The following RASAL1 variants were observed in gnomAD, a reference collection of about 807,000 sequenced individuals.
RASAL1 encodes rasGAP-activating-like protein 1.
Under a neutral mutation model 96.6 loss-of-function variants are expected in RASAL1, and 72 were observed. The ratio of observed to expected loss-of-function variants is 0.75; its 90% confidence interval spans 0.62 to 0.91. The LOEUF is 0.91. Among genes scored for constraint, RASAL1 ranks in the 40% least tolerant of loss-of-function variants. The pLI is 0.00. For missense variants in RASAL1, 1,016 were observed against 1,072.5 expected (o/e 0.95, Z 0.74); for synonymous variants, 405 against 430.4 (o/e 0.94, Z 0.73).
chr12:113,105,671 A>T (rs781658734), intron 16 of RASAL1, 43 bp downstream of exon 16: 1 of 1,526,634 alleles, frequency 6.6e-7, no homozygotes, highest in Non-Finnish European at 8.8e-7. Context: ...ACACTGAAAA[A>T]GGCCACCCCT....
Position 113,099,910 on chromosome 12 carries a change from G to T in RASAL1, c.*19C>A. 1 of 1,603,032 alleles carries T rather than the reference G, an allele frequency of 6.2e-7. No homozygotes were observed. The highest frequency in any genetic ancestry group is 8.5e-7 in the Non-Finnish European group (1 of 1,173,382). On this transcript the variant is annotated 3_prime_UTR_variant, in exon 21 of 21. Transcript: ENST00000548055. ...CCCCTGGCTCTTGCTCCTCCTTCCG[G>T]GCTAGCTCTGGCATTTCCTTAGGGG...
Position 113,108,065 on chromosome 12 carries a change from G to A in RASAL1, c.1512+20C>T. Reference sequence around the variant, plus strand: ...TCCCTGGCTAAAGTACCTAGGATGGGGGAAACCCATGGCTGGCACCTTGGC... The same window carrying A: ...TCCCTGGCTAAAGTACCTAGGATGGAGGAAACCCATGGCTGGCACCTTGGC... On this transcript the variant is annotated intron_variant, in intron 14 of 20. Coordinates refer to ENST00000548055, the MANE Select transcript of RASAL1 (RefSeq NM_001301202.2). 6.2e-7 allele frequency: 1 copy of A among 1,603,900 alleles called. No individual in the cohort carries two copies. The highest frequency in any genetic ancestry group is 8.5e-7 in the Non-Finnish European group (1 of 1,175,542).
intron 12 of RASAL1, among the ~76,000 whole-genome samples, 194 bp from the exon 13 acceptor site, chr12:113,112,472 T>C (rs552869540): frequency 2.4e-4 from 37 of 152,178 alleles, no homozygotes; most frequent in Non-Finnish European, 4.6e-4. Flanking sequence ...GCCTTTGCAC[T>C]GGCTTATCTC....
At chr12:113,102,291 C>T (rs1304997030) in intron 18 of RASAL1, among the ~76,000 whole-genome samples, 1 of 152,212 alleles carries the variant, frequency 6.6e-6, no homozygotes, top group Non-Finnish European at 1.5e-5. Context: ...GGAGCGGTGG[C>T]TCACGCCTGT....
intron 16 of RASAL1, 56 bp downstream of exon 16, chr12:113,105,658 A>C: frequency 2.0e-6 from 3 of 1,509,536 alleles, no homozygotes; most frequent in East Asian, 2.3e-5. Flanking sequence ...ACAAAGAGGC[A>C]GCACACTGAA....
At chr12:113,101,417 G>A (rs1950437378) in intron 19 of RASAL1, among the ~76,000 whole-genome samples, 1 of 152,014 alleles carries the variant, frequency 6.6e-6, no homozygotes, top group Non-Finnish European at 1.5e-5. Flanking sequence ...CTCTGTCTAA[G>A]TAAATAAATA....
At chr12:113,116,343 G>C (rs1352498814) in intron 8 of RASAL1, among the ~76,000 whole-genome samples, 3 of 151,846 alleles carry the variant, frequency 2.0e-5, no homozygotes, top group African/African-American at 7.3e-5. Context: ...CTGCGTGACA[G>C]AGCGATACTC....
Position 113,112,226 on chromosome 12 carries a change from G to C in RASAL1, c.1234C>G (p.Leu412Val), listed in dbSNP as rs1950892066. Residue 412 changes from leucine (L) to valine (V), a missense_variant, in exon 13 of 21, where the codon CTG becomes GTG. Leu to Val is a conservative substitution (Grantham distance 32). Coordinates refer to ENST00000548055, the MANE Select transcript of RASAL1 (RefSeq NM_001301202.2). ...LSEEQMRETS[L>V]GLLTGYLGPI... The stretch of plus-strand genomic sequence containing the variant: ...CCCAGGTAGCCCGTCAGCAGCCCCA[G>C]GCTGGTCTCCCGCATCTGCTCCTCC... 2.4e-6 allele frequency: 3 copies of C among 1,266,830 alleles called. No individual in the cohort carries two copies. Among genetic ancestry groups the C allele is most frequent in the Non-Finnish European group, 3.0e-6 (3 of 997,774 alleles). 78.5% of individuals were successfully genotyped at this position (1,266,830 alleles called of 1,614,324 possible). A position where few individuals can be genotyped will look rare whatever the true frequency, so the allele number is the denominator to read the frequency against.
chr12:113,105,673 G>T, intron 16 of RASAL1, 41 bp downstream of exon 16: 1 of 1,533,494 alleles, frequency 6.5e-7, no homozygotes, highest in Non-Finnish European at 8.8e-7. Context: ...ACTGAAAAAG[G>T]CCACCCCTGG....
intron 5 of RASAL1, among the ~76,000 whole-genome samples, chr12:113,120,270 A>G (rs926864794): frequency 1.3e-5 from 2 of 152,176 alleles, no homozygotes; most frequent in Non-Finnish European, 2.9e-5. Flanking sequence ...GACAGCAATC[A>G]GTCCCTCTCA....
In RASAL1 at chr12:113,099,881, G is replaced by T. The variant is rs1453388415; in HGVS notation, c.*48C>A. 2 of 1,577,908 alleles carry T rather than the reference G, an allele frequency of 1.3e-6. No homozygotes were observed. The highest frequency in any genetic ancestry group is 2.7e-5 in the African/African-American group (2 of 74,158). On this transcript the variant is annotated 3_prime_UTR_variant, in exon 21 of 21. Transcript: ENST00000548055. ...CTCCCGGGGCAGGATGCGCTGAAGA[G>T]GGCCCCCTGGCTCTTGCTCCTCCTT...
At position 113,115,796 on chromosome 12, in the gene RASAL1, G is replaced by A; in HGVS notation, c.850-8C>T. On this transcript the variant is annotated splice_polypyrimidine_tract_variant and splice_region_variant and intron_variant, in intron 9 of 20. Transcript: ENST00000548055. This position sits in a 1 kb window ranked among gnomAD's most constrained non-coding sequence, Gnocchi z 4.1. ...GGGGCTAGCAGTGTCCTCCTGGGTG[G>A]GGGCGGGAGACAAAGATGACCTCGG... 6.2e-7 allele frequency: 1 copy of A among 1,613,856 alleles called. No homozygotes were observed. Among genetic ancestry groups the A allele is most frequent in the Non-Finnish European group, 8.5e-7 (1 of 1,179,846 alleles).
upstream of RASAL1, among the ~76,000 whole-genome samples, chr12:113,136,553 T>C (rs929827040): frequency 1.1e-4 from 17 of 152,242 alleles, no homozygotes; most frequent in African/African-American, 4.1e-4. Context: ...TGATTTGCCT[T>C]CCAGGGGTTC....
chr12:113,117,932 A>G (rs2136194744), intron 7 of RASAL1, among the ~76,000 whole-genome samples: 1 of 152,286 alleles, frequency 6.6e-6, no homozygotes, highest in Middle Eastern at 3.4e-3. Context: ...ATTACTATAA[A>G]CAAGAATGAA....
chr12:113,120,501 C>G (rs570108207), intron 5 of RASAL1, among the ~76,000 whole-genome samples: 1 of 152,276 alleles, frequency 6.6e-6, no homozygotes, highest in Admixed American at 6.5e-5. Flanking sequence ...GCTTTATGGT[C>G]ACACAGCAAG....
chr12:113,100,660 G>T lies in RASAL1; in HGVS notation c.2246C>A (p.Ser749Tyr). 1 of 1,610,034 alleles carries T rather than the reference G, an allele frequency of 6.2e-7. No individual in the cohort carries two copies. The highest frequency in any genetic ancestry group is 1.1e-5 in the South Asian group (1 of 91,018). ...TGCCTCCAGAGTTGTATCCATGTTA[G>T]AATCCTCCAGTAATTTCAGCCTGGA... ...DQLRLKLLEDSNMDTTLEADT... is the reference protein window; with the variant it reads ...DQLRLKLLEDYNMDTTLEADT... Residue 749 changes from serine to tyrosine, a missense_variant, in exon 20 of 21, where the codon TCT (serine) becomes TAT (tyrosine). Physicochemically the swap from Ser to Tyr is moderately radical, Grantham distance 144. Transcript: ENST00000548055.
In RASAL1 at chr12:113,107,115, C is replaced by G. The variant is rs1243021183; in HGVS notation, c.1639G>C (p.Asp547His). 5.0e-6 allele frequency: 8 copies of G among 1,612,750 alleles called. No individual in the cohort carries two copies. The highest frequency in any genetic ancestry group is 5.9e-6 in the Non-Finnish European group (7 of 1,179,304). Residue 547 changes from aspartate (D) to histidine (H), a missense_variant, in exon 15 of 21, where the codon GAT becomes CAT. By Grantham distance (81) the Asp-to-His change is moderately conservative. Transcript: ENST00000548055. Reference protein sequence around the residue: ...RVRDFLDRLVDVDGDEEAGVP... With the variant: ...RVRDFLDRLVHVDGDEEAGVP... ...AACTCACCTTCATCCCCATCCACAT[C>G]CACCAGCCGGTCCAGGAAGTCTCTC...
chr12:113,117,009 G>T (rs548971973), intron 8 of RASAL1, 64 bp downstream of exon 8: 2 of 1,363,648 alleles, frequency 1.5e-6, no homozygotes, highest in South Asian at 1.4e-5. Flanking sequence ...GGCTCTGCCC[G>T]CAAGCTGTGG....
At chr12:113,116,091 C>G in intron 8 of RASAL1, 40 bp from the exon 9 acceptor site, 2 of 1,498,066 alleles carry the variant, frequency 1.3e-6, no homozygotes, top group East Asian at 2.3e-5. Context: ...AAGATCTGGC[C>G]GAACACGATG....
Sources: gnomAD v4.1 joint callset for allele counts (sites outside exome capture counted in the v4.1 genomes callset) on GRCh38, gnomAD v4.1.1 for gene constraint, Gnocchi (gnomAD v3.1) non-coding constraint, MANE v1.5 for transcripts, NCBI Gene and HGNC (gene_info 2026-07-23, HGNC 2026-07-21) for gene names.